Variants in PIKFYVE observed in about 807,000 individuals in gnomAD.
PIKFYVE encodes the protein phosphoinositide kinase, FYVE-type zinc finger containing.
A neutral mutation model predicts 257.9 loss-of-function variants in PIKFYVE; 122 were observed. The observed-to-expected ratio is 0.47, with a 90% CI of 0.41 to 0.55. The LOEUF (loss-of-function observed/expected upper bound fraction) is 0.55, where lower values mean the gene tolerates loss of function less well. Ranked by LOEUF, PIKFYVE falls within the 20% of genes least tolerant of loss-of-function variation. The pLI is 0.00. For missense variants in PIKFYVE, 2,160 were observed against 2,536.6 expected (o/e 0.85, Z 3.19); for synonymous variants, 892 against 868.9 (o/e 1.03, Z -0.47).
At chr2:208,322,604 C>G (rs1292375464) in intron 17 of PIKFYVE, among the ~76,000 whole-genome samples, 1 of 151,452 alleles carries the variant, frequency 6.6e-6, no homozygotes, top group South Asian at 2.1e-4. Flanking sequence ...GAGATTCTTA[C>G]TGTGTTTGCA....
chr2:208,325,016 C>G lies in PIKFYVE; in HGVS notation c.2437C>G (p.Gln813Glu). ...HLGTCHKFYM[Q>E]IFQLPNEQTK... ...GGGCACTTGTCACAAATTTTATATG[C>G]AGATATTTCAGTTGCCTAATGGTGA... The change falls in exon 19 of 42, where the codon CAG (glutamine) becomes GAG (glutamate). Residue 813 changes from glutamine to glutamate, a missense_variant. Physicochemically the swap from Gln to Glu is conservative, Grantham distance 29 (BLOSUM62 2). Coordinates refer to ENST00000264380, the MANE Select transcript of PIKFYVE (RefSeq NM_015040.4). 2 of 1,614,076 alleles carry G rather than the reference C, an allele frequency of 1.2e-6. No individual in the cohort carries two copies. Among genetic ancestry groups the G allele is most frequent in the Non-Finnish European group, 1.7e-6 (2 of 1,179,964 alleles).
intron 34 of PIKFYVE, among the ~76,000 whole-genome samples, chr2:208,347,162 G>A (rs968415354): frequency 6.6e-6 from 1 of 152,144 alleles, no homozygotes; most frequent in African/African-American, 2.4e-5. Context: ...TATTAAAGAG[G>A]CAATACTAGT....
intron 7 of PIKFYVE, among the ~76,000 whole-genome samples, chr2:208,293,440 C>G (rs1205965902): frequency 6.6e-6 from 1 of 152,012 alleles, no homozygotes; most frequent in Non-Finnish European, 1.5e-5. Flanking sequence ...TTCTCTCTGC[C>G]TTTTCAGCAT....
chr2:208,317,222 G>A lies in PIKFYVE; in HGVS notation c.2008-645G>A, dbSNP rs535753981. 7.9e-4 allele frequency among the ~76,000 whole-genome samples: 120 copies of A among 151,632 alleles called. 1 individual carries two copies. Among genetic ancestry groups the A allele is most frequent in the Middle Eastern group, 3.4e-3 (1 of 294 alleles). On this transcript the variant is annotated intron_variant, in intron 15 of 41. Transcript: ENST00000264380. ...ACCTACAAAATGGGAGAAAATTTTC[G>A]CAACCTACTCATCTGACAAAGGGCT...
At chr2:208,302,552 G>T (rs564810525) in intron 10 of PIKFYVE, 199 bp downstream of exon 10, 20 of 562,066 alleles carry the variant, frequency 3.6e-5, no homozygotes, top group African/African-American at 3.4e-4. Context: ...ACATTTTATT[G>T]TTTACTTTAA....
intron 5 of PIKFYVE, among the ~76,000 whole-genome samples, chr2:208,285,221 G>C (rs568977577): frequency 6.6e-6 from 1 of 152,144 alleles, no homozygotes; most frequent in African/African-American, 2.4e-5. Flanking sequence ...TCACCCTCCT[G>C]AGTAGCTGGG....
intron 17 of PIKFYVE, among the ~76,000 whole-genome samples, chr2:208,321,354 T>G (rs1348498748): frequency 6.6e-6 from 1 of 152,156 alleles, no homozygotes. Flanking sequence ...ACTTTTGTAC[T>G]GATTTCCTAG....
chr2:208,310,026 A>G (rs1197143640), intron 12 of PIKFYVE, among the ~76,000 whole-genome samples: 1 of 152,226 alleles, frequency 6.6e-6, no homozygotes, highest in African/African-American at 2.4e-5. Context: ...CTCTTAATAA[A>G]TATTACTGGC....
intron 7 of PIKFYVE, among the ~76,000 whole-genome samples, chr2:208,289,157 A>G (rs1691967899): frequency 6.6e-6 from 1 of 152,212 alleles, no homozygotes; most frequent in African/African-American, 2.4e-5. Context: ...GAGGAAATAC[A>G]CTTGGCAAGG....
At chr2:208,294,627 A>G (rs927597467) in intron 7 of PIKFYVE, among the ~76,000 whole-genome samples, 1 of 152,076 alleles carries the variant, frequency 6.6e-6, no homozygotes, top group African/African-American at 2.4e-5. Flanking sequence ...AAACTTTATC[A>G]GGGCTTTTCG....
At chr2:208,289,709 C>G (rs1265147679) in intron 7 of PIKFYVE, among the ~76,000 whole-genome samples, 1 of 152,168 alleles carries the variant, frequency 6.6e-6, no homozygotes, top group Admixed American at 6.5e-5. Flanking sequence ...GGATTACAGG[C>G]ATGAGCCACC....
chr2:208,309,376 G>A lies in PIKFYVE; in HGVS notation c.1637-2860G>A, dbSNP rs574268984. ...GAAAGTCACTCTTAATAATTTGTGT[G>A]ATAAAGATCTAAGTTTTAGTTATTT... On this transcript the variant is annotated intron_variant, in intron 12 of 41. Transcript: ENST00000264380. Among the ~76,000 whole-genome samples, 8 of 152,288 alleles carry A rather than the reference G, an allele frequency of 5.3e-5. 3 individuals are homozygous for A. The highest frequency in any genetic ancestry group is 1.7e-4 in the African/African-American group (7 of 41,566).
At chr2:208,335,463 C>T (rs759325001) in intron 25 of PIKFYVE, 44 bp downstream of exon 25, 8 of 1,362,602 alleles carry the variant, frequency 5.9e-6, no homozygotes, top group Non-Finnish European at 8.4e-6. Flanking sequence ...TTATTTACAG[C>T]TATTTTAAAG....
At chr2:208,287,129 A>G (rs1691677650) in intron 6 of PIKFYVE, among the ~76,000 whole-genome samples, 1 of 152,018 alleles carries the variant, frequency 6.6e-6, no homozygotes, top group Admixed American at 6.5e-5. Flanking sequence ...CAAAACTACT[A>G]CACTGTCTAG....
intron 1 of PIKFYVE, among the ~76,000 whole-genome samples, chr2:208,271,261 A>G (rs1296806162): frequency 1.3e-5 from 2 of 152,162 alleles, no homozygotes; most frequent in Admixed American, 1.3e-4. Flanking sequence ...AATCTTTTCT[A>G]TAATTTGAAT....
Position 208,325,861 on chromosome 2 carries a change from A to G in PIKFYVE, c.3050A>G (p.Asp1017Gly). ...DPKSQIRAFR[D>G]PLQDDTGLYV... ...AAAAGCCAGATAAGAGCCTTTAGAGACCCTCTACAGGATGACACTGGATTA... is the reference window on the plus strand; with the variant it reads ...AAAAGCCAGATAAGAGCCTTTAGAGGCCCTCTACAGGATGACACTGGATTA... The change falls in exon 20 of 42, where the codon GAC becomes GGC. Residue 1017 changes from aspartate (D) to glycine (G), a missense_variant. Asp to Gly is a moderately conservative substitution (Grantham distance 94). Around this residue, in one of 12 missense-constraint regions of PIKFYVE, gnomAD observed 522 missense variants for 514.6 expected, o/e 1.01. Coordinates refer to ENST00000264380, the MANE Select transcript of PIKFYVE (RefSeq NM_015040.4). 6.2e-7 allele frequency: 1 copy of G among 1,613,636 alleles called. No homozygotes were observed.
chr2:208,283,091 C>T (rs79332522), intron 5 of PIKFYVE, among the ~76,000 whole-genome samples: 1,705 of 152,068 alleles, frequency 0.011, 42 homozygotes, highest in African/African-American at 0.04. Flanking sequence ...AGGCTACGGA[C>T]GGGGAGTAGT....
At chr2:208,333,788 C>CT (rs869148653) in intron 24 of PIKFYVE, among the ~76,000 whole-genome samples, 11 of 152,092 alleles carry the variant, frequency 7.2e-5, no homozygotes, top group African/African-American at 2.4e-4. Context: ...CAGCCTCACT[C>CT]TTTTTTTAAA....
At chr2:208,293,171 C>T (rs1692532490) in intron 7 of PIKFYVE, among the ~76,000 whole-genome samples, 1 of 151,284 alleles carries the variant, frequency 6.6e-6, no homozygotes, top group Non-Finnish European at 1.5e-5. Context: ...TACTACTTCA[C>T]AGGTAATGCA....
Sources: gnomAD v4.1 joint callset for allele counts (sites outside exome capture counted in the v4.1 genomes callset) on GRCh38, gnomAD v4.1.1 for gene constraint, gnomAD v4.1.1 regional missense constraint, MANE v1.5 for transcripts, NCBI Gene and HGNC (gene_info 2026-07-23, HGNC 2026-07-21) for gene names.